THBS4: variants seen among roughly 807,000 people sequenced by gnomAD.
The protein encoded by THBS4 is thrombospondin-4.
A neutral mutation model predicts 115.7 loss-of-function variants in THBS4; 90 were observed. The ratio of observed to expected loss-of-function variants is 0.78; its 90% CI spans 0.66 to 0.93. The LOEUF (loss-of-function observed/expected upper bound fraction) is 0.93. THBS4 is among the 40% of genes least tolerant of loss of function. The pLI, the probability that THBS4 is intolerant of heterozygous loss-of-function variation, is 0.00. For synonymous variants in THBS4, 460 were observed against 479.3 expected (o/e 0.96, Z 0.53); for missense variants, 1,087 against 1,232.7 (o/e 0.88, Z 1.77).
intron 20 of THBS4, 115 bp downstream of exon 20, chr5:80,080,192 T>A: frequency 1.6e-6 from 2 of 1,285,404 alleles, no homozygotes; most frequent in Non-Finnish European, 2.1e-6. Flanking sequence ...CCCAAGGACA[T>A]GCCAGGACTT....
chr5:80,074,011 A>G (rs1018945974), intron 15 of THBS4, among the ~76,000 whole-genome samples: 3 of 152,168 alleles, frequency 2.0e-5, no homozygotes, highest in Non-Finnish European at 4.4e-5. Context: ...CAATTTTCTC[A>G]TCTGTAAAAT....
chr5:80,050,340 A>G (rs1335837899), intron 2 of THBS4, among the ~76,000 whole-genome samples: 1 of 152,134 alleles, frequency 6.6e-6, no homozygotes, highest in East Asian at 1.9e-4. Flanking sequence ...TTTTGCAGGT[A>G]GGGGCTTGGG....
chr5:80,080,579 C>CTTTTTATTTTTTTTTTTTTTTT (rs1743444995), intron 20 of THBS4, among the ~76,000 whole-genome samples: 1 of 50,464 alleles, frequency 2.0e-5, no homozygotes, highest in Non-Finnish European at 3.5e-5. Flanking sequence ...GCGCTTGTAT[C>CTTTTTATTTTTTTTTTTTTTTT]TTTTTTTTTT....
chr5:80,065,394 AC>A lies in THBS4; in HGVS notation c.1126-14del. The A allele has an allele frequency of 6.2e-7, 1 of 1,604,108 alleles. No homozygotes were observed. Among genetic ancestry groups the A allele is most frequent in the Non-Finnish European group, 8.5e-7 (1 of 1,175,932 alleles). On this transcript the variant is annotated splice_polypyrimidine_tract_variant and intron_variant, in intron 8 of 21. Coordinates refer to ENST00000350881, the MANE Select transcript of THBS4 (RefSeq NM_003248.6). ...GCATGTCTCGCTAAACTTTCTTTGA[AC>A]TTTTCTGCACTAGGTCTGCACTGAC... is the stretch of plus-strand genomic sequence containing the variant.
At chr5:80,051,382 A>C (rs17883865) in intron 2 of THBS4, among the ~76,000 whole-genome samples, 4,406 of 152,332 alleles carry the variant, frequency 0.029, 98 homozygotes, top group Non-Finnish European at 0.046. Flanking sequence ...TAAAAAAGAA[A>C]ATGAAAAATG....
chr5:80,078,173 C>G lies in THBS4; in HGVS notation c.2211C>G (p.Val737=), dbSNP rs1490836062. 1.9e-6 allele frequency: 3 copies of G among 1,609,422 alleles called. No homozygotes were observed. The East Asian group carries it at 6.7e-5, about 36-fold the overall frequency. Reference sequence around the variant, plus strand: ...ACTTCAGGGCTTACCAGACCGTGGTCCTGGATCCTGAAGGGGATGCCCAGA... The same window carrying G: ...ACTTCAGGGCTTACCAGACCGTGGTGCTGGATCCTGAAGGGGATGCCCAGA... The part of the protein sequence containing the change: ...LTDFRAYQTV[V]LDPEGDAQID... Residue 737 remains valine (V), a synonymous_variant, in exon 17 of 22, where the codon GTC becomes GTG. Coordinates refer to ENST00000350881, the MANE Select transcript of THBS4 (RefSeq NM_003248.6).
At chr5:80,077,696 A>G (rs1743283521) in intron 16 of THBS4, among the ~76,000 whole-genome samples, 1 of 152,240 alleles carries the variant, frequency 6.6e-6, no homozygotes, top group South Asian at 2.1e-4. Context: ...ACAGTCCAGA[A>G]AGTGCTGTAG....
intron 2 of THBS4, among the ~76,000 whole-genome samples, chr5:80,024,706 C>A (rs757209717): frequency 4.6e-5 from 7 of 152,064 alleles, no homozygotes; most frequent in Non-Finnish European, 1.0e-4. Flanking sequence ...TCTAAAAATA[C>A]AGAGAAAAAA....
intron 1 of THBS4, among the ~76,000 whole-genome samples, chr5:79,994,951 G>C (rs771298981): frequency 2.0e-5 from 3 of 152,218 alleles, no homozygotes; most frequent in African/African-American, 7.2e-5. Context: ...AGCTGATCTC[G>C]AAGGGTGGGT....
At chr5:79,994,788 G>A (rs1831758119) in intron 1 of THBS4, among the ~76,000 whole-genome samples, 2 of 152,228 alleles carry the variant, frequency 1.3e-5, no homozygotes, top group Non-Finnish European at 2.9e-5. Flanking sequence ...CAAGCTTTTA[G>A]AGGCACAGTT....
At chr5:80,045,976 A>G (rs1833054489) in intron 2 of THBS4, among the ~76,000 whole-genome samples, 1 of 152,256 alleles carries the variant, frequency 6.6e-6, no homozygotes, top group South Asian at 2.1e-4. Context: ...GAATTTTAAA[A>G]TTTGACACAA....
At chr5:80,032,468 C>T (rs565978467), upstream of THBS4, among the ~76,000 whole-genome samples, 5 of 152,246 alleles carry the variant, frequency 3.3e-5, no homozygotes, top group African/African-American at 1.2e-4. Context: ...GGAGTATTGA[C>T]GCACGATCAC....
chr5:80,052,118 T>C (rs1373266269), intron 2 of THBS4, among the ~76,000 whole-genome samples: 7 of 152,192 alleles, frequency 4.6e-5, no homozygotes, highest in African/African-American at 1.7e-4. Context: ...CTACAGGTAT[T>C]TGCAAAACTG....
At chr5:80,039,069 T>G (rs1016148895) in intron 1 of THBS4, among the ~76,000 whole-genome samples, 2 of 152,256 alleles carry the variant, frequency 1.3e-5, no homozygotes, top group Non-Finnish European at 2.9e-5. Context: ...CCTTTTCATA[T>G]TCCTTGCCCA....
chr5:80,016,499 G>A (rs919901884), intron 2 of THBS4, among the ~76,000 whole-genome samples: 4 of 152,198 alleles, frequency 2.6e-5, no homozygotes, highest in African/African-American at 9.6e-5. Context: ...TGAATCCAGT[G>A]AGACAAAATC....
intron 2 of THBS4, among the ~76,000 whole-genome samples, chr5:80,004,103 A>C (rs1006625434): frequency 6.6e-6 from 1 of 152,210 alleles, no homozygotes; most frequent in Admixed American, 6.5e-5. Context: ...CAGATTCCTC[A>C]GTTTCCACAT....
intron 2 of THBS4, among the ~76,000 whole-genome samples, chr5:80,009,803 G>A (rs1187827497): frequency 6.6e-6 from 1 of 152,080 alleles, no homozygotes; most frequent in African/African-American, 2.4e-5. Context: ...AAATTTAGGG[G>A]CCAAGTGTCC....
chr5:80,038,698 C>T (rs531562328), intron 1 of THBS4, among the ~76,000 whole-genome samples: 1 of 152,252 alleles, frequency 6.6e-6, no homozygotes, highest in Admixed American at 6.5e-5. Flanking sequence ...AGAATTACCA[C>T]TAGTGTCTAA....
intron 2 of THBS4, among the ~76,000 whole-genome samples, chr5:80,016,312 C>T (rs1832248951): frequency 6.6e-6 from 1 of 152,196 alleles, no homozygotes; most frequent in South Asian, 2.1e-4. Flanking sequence ...CCTTCATAGC[C>T]TAATTCTTGG....
Sources: gnomAD v4.1 joint callset for allele counts (sites outside exome capture counted in the v4.1 genomes callset) on GRCh38, gnomAD v4.1.1 for gene constraint, MANE v1.5 for transcripts, NCBI Gene and HGNC (gene_info 2026-07-23, HGNC 2026-07-21) for gene names.